Variants in TGFBR3 observed in about 807,000 individuals in gnomAD.
The protein encoded by TGFBR3 is transforming growth factor beta receptor 3, also known as transforming growth factor beta receptor type 3.
Under a neutral mutation model 87.9 loss-of-function variants are expected in TGFBR3, and 46 were observed. The ratio of observed to expected loss-of-function variants is 0.52; its 90% CI spans 0.41 to 0.67. TGFBR3 has a LOEUF of 0.67. Among genes scored for constraint, TGFBR3 ranks in the 30% least tolerant of loss-of-function variants. The pLI is 0.00. For synonymous variants in TGFBR3, 381 were observed against 391.6 expected (o/e 0.97, Z 0.32); for missense variants, 866 against 1,041.9 (o/e 0.83, Z 2.32).
chr1:91,836,157 G>C (rs371955453), intron 2 of TGFBR3, among the ~76,000 whole-genome samples: 1 of 152,102 alleles, frequency 6.6e-6, no homozygotes, highest in Non-Finnish European at 1.5e-5. Flanking sequence ...TGAGGCTGGA[G>C]AATCGTTTGA....
chr1:91,785,270 A>G (rs915625971), intron 3 of TGFBR3, among the ~76,000 whole-genome samples: 6 of 152,252 alleles, frequency 3.9e-5, no homozygotes, highest in African/African-American at 1.4e-4. Context: ...AATGTGCAGA[A>G]CAGATAAATC....
At chr1:91,862,232 A>C (rs1167804270) in intron 1 of TGFBR3, among the ~76,000 whole-genome samples, 1 of 152,210 alleles carries the variant, frequency 6.6e-6, no homozygotes, top group Non-Finnish European at 1.5e-5. Flanking sequence ...CACCTGAAAT[A>C]TAACACCACC....
chr1:91,754,928 A>G (rs1300709424), intron 4 of TGFBR3: 1 of 152,180 alleles, frequency 6.6e-6, no homozygotes, highest in Non-Finnish European at 1.5e-5. Context: ...CTCTACGTAC[A>G]CAGTAGACAG....
At chr1:91,792,049 T>C (rs183671629) in intron 3 of TGFBR3, among the ~76,000 whole-genome samples, 123 of 152,292 alleles carry the variant, frequency 8.1e-4, no homozygotes, top group African/African-American at 2.7e-3. Context: ...TTTATGCCAA[T>C]CCTCAGAGAA....
At chr1:91,750,374 G>C (rs953239565) in intron 4 of TGFBR3, among the ~76,000 whole-genome samples, 2 of 152,128 alleles carry the variant, frequency 1.3e-5, no homozygotes, top group African/African-American at 4.8e-5. Flanking sequence ...AATTGCCATA[G>C]TGACATTTAG....
At chr1:91,708,957 C>T (rs537411127) in intron 13 of TGFBR3, among the ~76,000 whole-genome samples, 174 bp from the exon 14 acceptor site, 15 of 152,340 alleles carry the variant, frequency 9.8e-5, no homozygotes, top group Admixed American at 9.1e-4. Context: ...GGAGATATGA[C>T]AGCAGGCCCA....
chr1:91,870,221 A>C (rs2101234665), intron 1 of TGFBR3, among the ~76,000 whole-genome samples: 1 of 152,328 alleles, frequency 6.6e-6, no homozygotes, highest in African/African-American at 2.4e-5. Context: ...TCAAAGTCCA[A>C]GAACTCTACC....
rs921227296 is a variant in TGFBR3, at chr1:91,681,543, C to T, written c.*2196G>A. 1.9e-5 allele frequency: 7 copies of T among 372,010 alleles called. No individual in the cohort carries two copies. The Admixed American group carries it at 2.7e-4, about 14-fold the overall frequency. 23.0% of individuals were successfully genotyped at this position (372,010 alleles called of 1,614,324 possible). A position where few individuals can be genotyped will look rare whatever the true frequency, so the allele number is the denominator to read the frequency against. On this transcript the variant is annotated 3_prime_UTR_variant, in exon 17 of 17. Coordinates refer to ENST00000212355, the MANE Select transcript of TGFBR3 (RefSeq NM_003243.5). ...TACAGAAGGTTTTAACCCTGTCCTTCTAAGACATCAATCTTTTAATATCTC... is the reference window on the plus strand; with the variant it reads ...TACAGAAGGTTTTAACCCTGTCCTTTTAAGACATCAATCTTTTAATATCTC...
intron 3 of TGFBR3, among the ~76,000 whole-genome samples, chr1:91,759,097 T>C (rs535205436): frequency 6.6e-6 from 1 of 152,174 alleles, no homozygotes; most frequent in Non-Finnish European, 1.5e-5. Flanking sequence ...TGCTTTAAGC[T>C]TTAGGTCAAA....
chr1:91,872,219 A>G (rs1051082350), intron 1 of TGFBR3, among the ~76,000 whole-genome samples: 9 of 152,150 alleles, frequency 5.9e-5, no homozygotes, highest in African/African-American at 1.9e-4. Flanking sequence ...CTATTACACT[A>G]ATACAAATTA....
intron 10 of TGFBR3, among the ~76,000 whole-genome samples, chr1:91,717,147 G>A (rs1672203513): frequency 6.6e-6 from 1 of 152,004 alleles, no homozygotes; most frequent in African/African-American, 2.4e-5. Flanking sequence ...AAGAAGCTTT[G>A]GTTATATATA....
intron 6 of TGFBR3, among the ~76,000 whole-genome samples, chr1:91,728,441 C>G (rs1348627413): frequency 1.3e-5 from 2 of 152,144 alleles, no homozygotes; most frequent in Non-Finnish European, 2.9e-5. Context: ...GATGGTCAAC[C>G]AAGTGATTAC....
At chr1:91,726,434 C>T (rs1401512297) in intron 7 of TGFBR3, among the ~76,000 whole-genome samples, 1 of 151,762 alleles carries the variant, frequency 6.6e-6, no homozygotes, top group South Asian at 2.1e-4. Flanking sequence ...CAAAACATCT[C>T]TGACTTCAGA....
At chr1:91,838,090 G>A (rs1677123149) in intron 2 of TGFBR3, among the ~76,000 whole-genome samples, 1 of 152,120 alleles carries the variant, frequency 6.6e-6, no homozygotes, top group Non-Finnish European at 1.5e-5. Flanking sequence ...TGACTTCCCT[G>A]CAAGGACCAA....
chr1:91,716,126 G>A (rs1037859225), intron 12 of TGFBR3, 110 bp downstream of exon 12: 6 of 1,344,686 alleles, frequency 4.5e-6, no homozygotes, highest in Non-Finnish European at 4.2e-6. Flanking sequence ...ACCTGTTGAA[G>A]GTCTGTGAGG....
intron 5 of TGFBR3, 72 bp from the exon 6 acceptor site, chr1:91,730,045 A>G (rs1672710216): frequency 8.3e-6 from 13 of 1,557,470 alleles, no homozygotes; most frequent in Non-Finnish European, 1.1e-5. Context: ...AAGGAGGGTG[A>G]CAGTGAAACT....
chr1:91,891,855 A>G (rs1169052106), intron 2 of TGFBR3, among the ~76,000 whole-genome samples: 1 of 152,206 alleles, frequency 6.6e-6, no homozygotes, highest in Non-Finnish European at 1.5e-5. Context: ...TTATTTCATC[A>G]TAACCTAAGG....
intron 16 of TGFBR3, among the ~76,000 whole-genome samples, chr1:91,694,996 C>A (rs960429437): frequency 3.9e-5 from 6 of 152,110 alleles, no homozygotes; most frequent in South Asian, 2.1e-4. Context: ...GGGGTCAGAA[C>A]AGGTTCTCTC....
intron 16 of TGFBR3, among the ~76,000 whole-genome samples, chr1:91,692,747 C>T (rs1671307989): frequency 6.6e-6 from 1 of 152,102 alleles, no homozygotes; most frequent in South Asian, 2.1e-4. Context: ...TTATTGTGCC[C>T]AGAGTTGTCA....
Sources: allele counts gnomAD v4.1 joint callset (sites outside exome capture counted in the v4.1 genomes callset), GRCh38; gene constraint gnomAD v4.1.1; transcripts MANE v1.5; gene names NCBI Gene and HGNC (gene_info 2026-07-23, HGNC 2026-07-21).